The following SMURF2 variants were observed in gnomAD, a reference collection of about 807,000 sequenced individuals.
SMURF2 encodes SMAD specific E3 ubiquitin protein ligase 2, also known as E3 ubiquitin-protein ligase SMURF2.
A neutral mutation model predicts 109.6 loss-of-function variants in SMURF2; 48 were observed. That is an observed-to-expected ratio of 0.44 (90% CI 0.35 to 0.56). SMURF2 has a LOEUF of 0.56. Among genes scored for constraint, SMURF2 ranks in the 20% least tolerant of loss-of-function variants. The pLI is 0.01. For missense variants in SMURF2, 575 were observed against 909.0 expected (o/e 0.63, Z 4.72); for synonymous variants, 288 against 317.1 (o/e 0.91, Z 0.97).
intron 1 of SMURF2, among the ~76,000 whole-genome samples, chr17:64,635,825 A>G (rs1338976403): frequency 6.6e-6 from 1 of 152,144 alleles, no homozygotes; most frequent in South Asian, 2.1e-4. Context: ...CAGTTCTCTT[A>G]TGTATGTACC....
chr17:64,560,147 C>T (rs1555684406), intron 12 of SMURF2, among the ~76,000 whole-genome samples: 2 of 151,336 alleles, frequency 1.3e-5, no homozygotes, highest in South Asian at 2.1e-4. Flanking sequence ...CCTAGGAGTT[C>T]GAAGCTGCAG....
At chr17:64,614,726 C>T (rs1555689954) in intron 1 of SMURF2, among the ~76,000 whole-genome samples, 1 of 152,236 alleles carries the variant, frequency 6.6e-6, no homozygotes, top group African/African-American at 2.4e-5. Context: ...AATACTCCTA[C>T]ATCATTCACT....
chr17:64,575,970 C>G (rs1237723311), intron 9 of SMURF2, among the ~76,000 whole-genome samples: 1 of 151,902 alleles, frequency 6.6e-6, no homozygotes, highest in Non-Finnish European at 1.5e-5. Flanking sequence ...TTTGGGAGGC[C>G]GAGGTGCACA....
intron 16 of SMURF2, 42 bp downstream of exon 16, chr17:64,551,538 ATCCT>A (rs1555683606): frequency 1.4e-5 from 23 of 1,586,772 alleles, no homozygotes; most frequent in Non-Finnish European, 2.0e-5. Flanking sequence ...ATAATTCCCA[ATCCT>A]TCCTTGTTAC....
At chr17:64,558,043 C>T (rs1382289451) in intron 12 of SMURF2, among the ~76,000 whole-genome samples, 1 of 152,124 alleles carries the variant, frequency 6.6e-6, no homozygotes, top group East Asian at 1.9e-4. Flanking sequence ...CTTTTAATTG[C>T]CAAATAAATT....
At chr17:64,647,465 GTCAGGAGC>G (rs1970574264) in intron 1 of SMURF2, among the ~76,000 whole-genome samples, 1 of 152,130 alleles carries the variant, frequency 6.6e-6, no homozygotes. Flanking sequence ...CGGACCTGAG[GTCAGGAGC>G]TTGAGACCAG....
At chr17:64,651,857 C>A (rs1488652770) in intron 1 of SMURF2, among the ~76,000 whole-genome samples, 8 of 152,012 alleles carry the variant, frequency 5.3e-5, no homozygotes, top group Middle Eastern at 3.2e-3. Context: ...AGTTCAAGAT[C>A]GCAGTGAGCT....
At chr17:64,624,373 A>C (rs1555690981) in intron 1 of SMURF2, among the ~76,000 whole-genome samples, 1 of 149,720 alleles carries the variant, frequency 6.7e-6, no homozygotes, top group African/African-American at 2.5e-5. Context: ...TTGCTCTGTC[A>C]TCCAAACTGG....
At chr17:64,553,544 A>C (rs781957302) in intron 15 of SMURF2, among the ~76,000 whole-genome samples, 14 of 151,954 alleles carry the variant, frequency 9.2e-5, no homozygotes, top group East Asian at 1.9e-4. Flanking sequence ...CAAAAAAAAA[A>C]CCATGGATTT....
intron 1 of SMURF2, among the ~76,000 whole-genome samples, chr17:64,659,170 TGTGA>T (rs912073196): frequency 3.9e-5 from 6 of 152,184 alleles, no homozygotes; most frequent in African/African-American, 9.7e-5. Flanking sequence ...AGTGTGTGTG[TGTGA>T]GTGTGTGCAT....
chr17:64,626,514 G>A (rs1970270959), intron 1 of SMURF2, among the ~76,000 whole-genome samples: 1 of 152,106 alleles, frequency 6.6e-6, no homozygotes, highest in African/African-American at 2.4e-5. Context: ...TGTAATCCCA[G>A]CACTTTGGGA....
At position 64,551,701 on chromosome 17, in the gene SMURF2, G is replaced by T; in HGVS notation, c.1752C>A (p.Leu584=). The T allele has an allele frequency of 6.2e-7, 1 of 1,613,836 alleles. No homozygotes were observed. The highest frequency in any genetic ancestry group is 8.5e-7 in the Non-Finnish European group (1 of 1,179,880). The change falls in exon 16 of 19, where the codon CTC becomes CTA. Residue 584 remains leucine (L), a synonymous_variant. Transcript: ENST00000262435. ...CTCGTAAAAATCTCCAGTTCACATAGAGCCTGTAAACATTCGGCAGGATTT... is the reference window on the plus strand; with the variant it reads ...CTCGTAAAAATCTCCAGTTCACATATAGCCTGTAAACATTCGGCAGGATTT... ...NEENKKEYVR[L]YVNWRFLRGI...
chr17:64,561,999 C>CT, intron 11 of SMURF2, among the ~76,000 whole-genome samples: 1 of 149,136 alleles, frequency 6.7e-6, no homozygotes, highest in South Asian at 2.1e-4. Context: ...GACCTTGTCT[C>CT]TTTTTAAAAA....
At chr17:64,548,342 G>C (rs565879921) in intron 16 of SMURF2, among the ~76,000 whole-genome samples, 57 of 152,208 alleles carry the variant, frequency 3.7e-4, no homozygotes, top group African/African-American at 1.3e-3. Flanking sequence ...ATAATGCACA[G>C]AAACTTCAGA....
At chr17:64,609,731 A>G (rs1970018122) in intron 1 of SMURF2, among the ~76,000 whole-genome samples, 1 of 151,998 alleles carries the variant, frequency 6.6e-6, no homozygotes, top group South Asian at 2.1e-4. Flanking sequence ...TTCATGACTA[A>G]AACACCAAAC....
intron 1 of SMURF2, among the ~76,000 whole-genome samples, chr17:64,630,485 G>A (rs1413067448): frequency 6.6e-6 from 1 of 152,078 alleles, no homozygotes; most frequent in East Asian, 1.9e-4. Flanking sequence ...CAAAACACAA[G>A]AAATTAGTTC....
intron 2 of SMURF2, among the ~76,000 whole-genome samples, chr17:64,600,760 G>A (rs1420446530): frequency 6.6e-6 from 1 of 151,982 alleles, no homozygotes; most frequent in African/African-American, 2.4e-5. Context: ...AATAAATGAA[G>A]ATTTCCTCCT....
intron 1 of SMURF2, among the ~76,000 whole-genome samples, chr17:64,644,883 G>A (rs1379964105): frequency 2.6e-5 from 4 of 151,722 alleles, no homozygotes; most frequent in Non-Finnish European, 4.4e-5. Context: ...GGTGGCAGGC[G>A]CCTGTAATTC....
chr17:64,599,038 C>T (rs1179333111), intron 2 of SMURF2, among the ~76,000 whole-genome samples: 10 of 152,156 alleles, frequency 6.6e-5, no homozygotes, highest in African/African-American at 2.4e-4. Context: ...AATAAAAATA[C>T]TATACATGAA....
Sources: allele counts gnomAD v4.1 joint callset (sites outside exome capture counted in the v4.1 genomes callset), GRCh38; gene constraint gnomAD v4.1.1; transcripts MANE v1.5; gene names NCBI Gene and HGNC (gene_info 2026-07-23, HGNC 2026-07-21).